The following SETDB1 variants were observed in gnomAD, a reference collection of about 807,000 sequenced individuals.
The protein encoded by SETDB1 is histone-lysine N-methyltransferase SETDB1.
A neutral mutation model predicts 137.4 loss-of-function variants in SETDB1; 31 were observed. The ratio of observed to expected loss-of-function variants is 0.23; its 90% CI spans 0.17 to 0.30. The LOEUF is 0.30. SETDB1 is among the 10% of genes least tolerant of loss of function. SETDB1 has a pLI of 1.00. For synonymous variants in SETDB1, 548 were observed against 579.9 expected (o/e 0.95, Z 0.79); for missense variants, 1,113 against 1,631.5 (o/e 0.68, Z 5.47).
At position 150,939,533 on chromosome 1, in the gene SETDB1, C is replaced by T. The variant is rs1670064582; in HGVS notation, c.413-407C>T. On this transcript the variant is annotated intron_variant, in intron 3 of 21. Coordinates refer to ENST00000692827, the MANE Select transcript of SETDB1 (RefSeq NM_001366418.1). Reference sequence around the variant, plus strand: ...AGAAACGGGGTTTCACCATGTTGACCAGGCTGATCTCAAACTCCTGACCTC... The same window carrying T: ...AGAAACGGGGTTTCACCATGTTGACTAGGCTGATCTCAAACTCCTGACCTC... Among the ~76,000 whole-genome samples the T allele has an allele frequency of 3.3e-5, 5 of 152,006 alleles. No homozygotes were observed. The South Asian group carries it at 1.0e-3, about 32-fold the overall frequency.
In SETDB1 at chr1:150,960,840, T is replaced by C. The variant is rs779518938; in HGVS notation, c.2781T>C (p.Ala927=). ...FSTSSVWRSY[A]TRRQTRGQKE... The stretch of plus-strand genomic sequence containing the variant: ...CCAGTTCAGTGTGGCGGAGCTATGC[T>C]ACCCGGAGGCAGACCCGGGGCCAGA... The change falls in exon 16 of 22, where the codon GCT becomes GCC. Residue 927 remains alanine (A), a synonymous_variant. Transcript: ENST00000692827. 6.2e-7 allele frequency: 1 copy of C among 1,604,590 alleles called. No homozygotes were observed. Among genetic ancestry groups the C allele is most frequent in the Non-Finnish European group, 8.5e-7 (1 of 1,175,420 alleles).
At chr1:150,933,067 GAATT>G (rs1669813862) in intron 3 of SETDB1, among the ~76,000 whole-genome samples, 1 of 151,798 alleles carries the variant, frequency 6.6e-6, no homozygotes, top group Non-Finnish European at 1.5e-5. Flanking sequence ...ATGAATGAAT[GAATT>G]GATTGATTGA....
chr1:150,946,216 G>A (rs966098237), intron 9 of SETDB1, among the ~76,000 whole-genome samples: 17 of 149,938 alleles, frequency 1.1e-4, no homozygotes, highest in African/African-American at 4.2e-4. Context: ...GACGGGTTTC[G>A]CCATGTTGCC....
intron 15 of SETDB1, 61 bp from the exon 16 acceptor site, chr1:150,960,497 CAAACA>C: frequency 8.4e-7 from 1 of 1,192,062 alleles, no homozygotes; most frequent in Non-Finnish European, 1.1e-6. Flanking sequence ...AAAAAAAAAG[CAAACA>C]AAAAAAAAAA....
intron 12 of SETDB1, 74 bp downstream of exon 12, chr1:150,949,599 G>A: frequency 1.3e-5 from 18 of 1,334,870 alleles, no homozygotes; most frequent in Non-Finnish European, 1.7e-5. Flanking sequence ...TTCCTTGGCT[G>A]TAAGCGAAGG....
chr1:150,962,055 T>G (rs1571663818), intron 16 of SETDB1, 75 bp from the exon 17 acceptor site: 2 of 1,552,342 alleles, frequency 1.3e-6, no homozygotes, highest in South Asian at 2.2e-5. Context: ...TCTGTGGAGG[T>G]CATTTGAAGT....
chr1:150,944,032 C>T lies in SETDB1; in HGVS notation c.949+39C>T, dbSNP rs1272886348. 7.5e-6 allele frequency: 10 copies of T among 1,336,590 alleles called. No homozygotes were observed. The Admixed American group carries it at 1.5e-4, about 20-fold the overall frequency. The allele number at this position is 1,336,590 out of a possible 1,614,324, so 82.8% of individuals were successfully genotyped here. Reference sequence around the variant, plus strand: ...CCTTATTCCTTAGCTCAGTTTTCTCCTCTACCTTGTATTTCTTCTTAGGAC... The same window carrying T: ...CCTTATTCCTTAGCTCAGTTTTCTCTTCTACCTTGTATTTCTTCTTAGGAC... On this transcript the variant is annotated intron_variant, in intron 8 of 21. Transcript: ENST00000692827.
Position 150,951,439 on chromosome 1 carries a change from C to G in SETDB1, c.2291C>G (p.Ser764Cys), listed in dbSNP as rs1357687140. 2 of 1,613,536 alleles carry G rather than the reference C, an allele frequency of 1.2e-6. No homozygotes were observed. The highest frequency in any genetic ancestry group is 1.7e-6 in the Non-Finnish European group (2 of 1,179,390). Reference protein sequence around the residue: ...CTPGGQINPNSGYQYKRLEEC... With the variant: ...CTPGGQINPNCGYQYKRLEEC... The stretch of plus-strand genomic sequence containing the variant: ...CCAGGAGGCCAAATCAACCCTAACT[C>G]TGGCTACCAGTACAAGAGACTAGAA... Residue 764 changes from serine (S) to cysteine (C), a missense_variant, in exon 14 of 22, where the codon TCT becomes TGT. Ser to Cys is a moderately radical substitution (Grantham distance 112). This residue lies in a region of SETDB1 where 81 missense variants were observed against 123.4 expected (regional missense o/e 0.66). Transcript: ENST00000692827.
Position 150,962,739 on chromosome 1 carries a change from T to TGA in SETDB1, c.3294+20_3294+21insGA. Reference sequence around the variant, plus strand: ...CCTGATGTAAGTCACCTCAAGCTTATTCAGAGTCTAATAAAGGAAAATGGG... The same window carrying TGA: ...CCTGATGTAAGTCACCTCAAGCTTATGATCAGAGTCTAATAAAGGAAAATGGG... On this transcript the variant is annotated intron_variant, in intron 18 of 21. Transcript: ENST00000692827. The TGA allele has an allele frequency of 1.9e-6, 3 of 1,611,646 alleles. No homozygotes were observed. In the Admixed American group the frequency reaches 5.0e-5, roughly 27 times the overall value.
Position 150,960,808 on chromosome 1 carries a change from T to C in SETDB1, c.2749T>C (p.Phe917Leu). The change falls in exon 16 of 22, where the codon TTC becomes CTC. Residue 917 changes from phenylalanine (F) to leucine (L), a missense_variant. By Grantham distance (22) the Phe-to-Leu change is conservative. Coordinates refer to ENST00000692827, the MANE Select transcript of SETDB1 (RefSeq NM_001366418.1). The part of the protein sequence containing the change: ...SDDNFCKDED[F>L]STSSVWRSYA... ...TGATAACTTCTGTAAGGATGAGGAC[T>C]TCAGCACCAGTTCAGTGTGGCGGAG... is the stretch of plus-strand genomic sequence containing the variant. 3.1e-6 allele frequency: 5 copies of C among 1,607,924 alleles called. No homozygotes were observed. Among genetic ancestry groups the C allele is most frequent in the Non-Finnish European group, 4.2e-6 (5 of 1,177,096 alleles).
chr1:150,928,794 T>A (rs183703913), intron 2 of SETDB1, among the ~76,000 whole-genome samples: 4 of 152,046 alleles, frequency 2.6e-5, no homozygotes, highest in Non-Finnish European at 4.4e-5. Context: ...CCATCCTGTG[T>A]CCAGGTGTTC....
chr1:150,933,536 C>T (rs1669834388), intron 3 of SETDB1, among the ~76,000 whole-genome samples: 2 of 151,462 alleles, frequency 1.3e-5, no homozygotes, highest in African/African-American at 2.4e-5. Flanking sequence ...GCCATCACAC[C>T]CAGCTAATTT....
intron 14 of SETDB1, 71 bp from the exon 15 acceptor site, chr1:150,959,107 T>C (rs780474009): frequency 3.7e-6 from 4 of 1,089,208 alleles, no homozygotes; most frequent in Non-Finnish European, 2.6e-6. Flanking sequence ...TTAAGAATTA[T>C]AATAGTTTTA....
chr1:150,953,255 T>C (rs755136010), intron 14 of SETDB1, among the ~76,000 whole-genome samples: 20 of 152,178 alleles, frequency 1.3e-4, no homozygotes, highest in Non-Finnish European at 2.5e-4. Context: ...CTGGGCGTGG[T>C]GGCTCACGCC....
rs1669677411 is a variant in SETDB1 at position 150,930,098 on chromosome 1, A to G, written c.392A>G (p.Asp131Gly). Residue 131 changes from aspartate (D) to glycine (G), a missense_variant, in exon 3 of 22, where the codon GAT becomes GGT. Asp to Gly is a moderately conservative substitution (Grantham distance 94). Around this residue, in one of 11 missense-constraint regions of SETDB1, gnomAD observed 159 missense variants for 188.6 expected, o/e 0.84. Coordinates refer to ENST00000692827, the MANE Select transcript of SETDB1 (RefSeq NM_001366418.1). ...EIIEIPDEDD[D>G]VLSIDSGDAG... ...ATTGAGATTCCTGATGAAGATGATG[A>G]TGTCCTCAGTATTGATTCAGGTAAG... The G allele has an allele frequency of 1.2e-6, 2 of 1,613,978 alleles. No individual in the cohort carries two copies. Among genetic ancestry groups the G allele is most frequent in the South Asian group, 1.1e-5 (1 of 91,066 alleles).
At chr1:150,931,328 G>A (rs976641938) in intron 3 of SETDB1, among the ~76,000 whole-genome samples, 6 of 149,912 alleles carry the variant, frequency 4.0e-5, no homozygotes, top group Admixed American at 1.3e-4. Context: ...GCTCACGCCT[G>A]TAATCCCAGC....
chr1:150,963,901 C>G, intron 20 of SETDB1, 94 bp from the exon 21 acceptor site: 1 of 1,301,474 alleles, frequency 7.7e-7, no homozygotes, highest in African/African-American at 1.5e-5. Flanking sequence ...TGGGGAGGGT[C>G]AGATGGCATC....
rs773081757 is a variant in SETDB1, at chr1:150,964,230, C to G, written c.3762-17C>G. The G allele has an allele frequency of 6.2e-7, 1 of 1,605,768 alleles. No individual in the cohort carries two copies. The highest frequency in any genetic ancestry group is 8.5e-7 in the Non-Finnish European group (1 of 1,172,454). Reference sequence around the variant, plus strand: ...TCTGCTGTCTTTGCCACACACCATCCTTTTCTTCCTCTTCAGAAGAATCCG... The same window carrying G: ...TCTGCTGTCTTTGCCACACACCATCGTTTTCTTCCTCTTCAGAAGAATCCG... On this transcript the variant is annotated splice_polypyrimidine_tract_variant and intron_variant, in intron 21 of 21. Transcript: ENST00000692827.
chr1:150,960,276 C>T (rs190157548), intron 15 of SETDB1, among the ~76,000 whole-genome samples: 64 of 151,882 alleles, frequency 4.2e-4, no homozygotes, highest in Non-Finnish European at 7.2e-4. Context: ...GAGTTCGAGA[C>T]CAACCTGGCC....
Sources: gnomAD v4.1 joint callset for allele counts (sites outside exome capture counted in the v4.1 genomes callset) on GRCh38, gnomAD v4.1.1 for gene constraint, gnomAD v4.1.1 regional missense constraint, MANE v1.5 for transcripts, NCBI Gene and HGNC (gene_info 2026-07-23, HGNC 2026-07-21) for gene names.